The following NRG1 variants were observed in gnomAD, a reference collection of about 807,000 sequenced individuals.
NRG1 encodes the protein neuregulin 1, also known as pro-neuregulin-1, membrane-bound isoform.
A neutral mutation model predicts 63.8 loss-of-function variants in NRG1; 18 were observed. The ratio of observed to expected loss-of-function variants is 0.28; its 90% CI spans 0.19 to 0.42. The LOEUF (loss-of-function observed/expected upper bound fraction) is 0.42. Ranked by LOEUF, NRG1 falls within the 10% of genes least tolerant of loss-of-function variation. NRG1 has a pLI of 1.00. For missense variants in NRG1, 762 were observed against 814.7 expected, an observed-to-expected ratio of 0.94 and a Z score of 0.79; for synonymous variants, 302 against 301.3, an observed-to-expected ratio of 1.00 and a Z score of -0.02.
At position 32,007,009 on chromosome 8, in the gene NRG1, T is replaced by G. The variant is rs146878103; in HGVS notation, c.37+367578T>G. Reference sequence around the variant, plus strand: ...TTTGAGATGTCAAAGAGGATCCCATTCTGGTGTTTGATATTTCAGAGTGCC... The same window carrying G: ...TTTGAGATGTCAAAGAGGATCCCATGCTGGTGTTTGATATTTCAGAGTGCC... On this transcript the variant is annotated intron_variant, in intron 1 of 10. Coordinates refer to the NRG1 transcript ENST00000519301. Among the ~76,000 whole-genome samples the G allele has an allele frequency of 1.2e-3, 184 of 152,156 alleles. 1 individual carries two copies. Among genetic ancestry groups the G allele is most frequent in the Non-Finnish European group, 1.9e-3 (129 of 67,952 alleles).
chr8:31,856,094 G>C (rs1293326356), intron 1 of NRG1, among the ~76,000 whole-genome samples: 1 of 151,532 alleles, frequency 6.6e-6, no homozygotes, highest in African/African-American at 2.4e-5. Flanking sequence ...ATGTGTCTTG[G>C]AGTTGCTCTT....
intron 1 of NRG1, among the ~76,000 whole-genome samples, chr8:31,863,014 C>T (rs1053385628): frequency 6.6e-6 from 1 of 152,150 alleles, no homozygotes; most frequent in Non-Finnish European, 1.5e-5. Context: ...TTAGCTCCAG[C>T]CATATGGGTG....
chr8:32,100,233 C>G (rs1830398636), intron 1 of NRG1, among the ~76,000 whole-genome samples: 1 of 152,024 alleles, frequency 6.6e-6, no homozygotes, highest in African/African-American at 2.4e-5. Context: ...GATGATAGAA[C>G]CCAAAGTGTA....
intron 1 of NRG1, among the ~76,000 whole-genome samples, chr8:31,922,814 G>T (rs948992523): frequency 6.6e-6 from 1 of 152,182 alleles, no homozygotes; most frequent in Non-Finnish European, 1.5e-5. Context: ...GGTGTTGGAA[G>T]ATGTGAAGGT....
intron 1 of NRG1, among the ~76,000 whole-genome samples, chr8:31,991,304 T>C (rs1187832076): frequency 6.6e-6 from 1 of 151,494 alleles, no homozygotes; most frequent in Non-Finnish European, 1.5e-5. Context: ...TTCTTCTTCT[T>C]CCTCCTCTTC....
intron 1 of NRG1, among the ~76,000 whole-genome samples, chr8:32,257,257 G>A (rs1849833264): frequency 6.6e-6 from 1 of 152,030 alleles, no homozygotes; most frequent in South Asian, 2.1e-4. Context: ...AGATCACTTG[G>A]CTCCCTGACT....
chr8:31,931,784 G>A (rs1355039598), intron 1 of NRG1, among the ~76,000 whole-genome samples: 1 of 152,170 alleles, frequency 6.6e-6, no homozygotes. Flanking sequence ...CTGTTCTGAT[G>A]GTGGGGTCCA....
intron 1 of NRG1, among the ~76,000 whole-genome samples, chr8:32,037,650 C>T (rs1819286110): frequency 6.6e-6 from 1 of 152,148 alleles, no homozygotes; most frequent in African/African-American, 2.4e-5. Context: ...CAGGGAGGCC[C>T]CACGCAGGTA....
intron 1 of NRG1, among the ~76,000 whole-genome samples, chr8:31,992,574 C>A (rs1811277748): frequency 6.6e-6 from 1 of 151,980 alleles, no homozygotes; most frequent in South Asian, 2.1e-4. Context: ...ATTTTTGATA[C>A]CTGACTCCTA....
At chr8:32,359,383 A>G (rs2129481007) in intron 1 of NRG1, among the ~76,000 whole-genome samples, 1 of 152,246 alleles carries the variant, frequency 6.6e-6, no homozygotes, top group East Asian at 1.9e-4. Flanking sequence ...ATTTTTAAGA[A>G]TTTTTATATC....
chr8:31,683,565 A>C (rs1316890086), intron 1 of NRG1, among the ~76,000 whole-genome samples: 3 of 152,196 alleles, frequency 2.0e-5, no homozygotes, highest in African/African-American at 7.2e-5. Flanking sequence ...TAGGCAGAGC[A>C]TGTAGGATCT....
intron 1 of NRG1, among the ~76,000 whole-genome samples, chr8:31,723,617 C>T (rs978807140): frequency 2.6e-5 from 4 of 152,056 alleles, no homozygotes; most frequent in African/African-American, 9.7e-5. Context: ...GCTGTGGTGC[C>T]TGGCAGAGCC....
intron 1 of NRG1, among the ~76,000 whole-genome samples, chr8:32,319,120 G>A (rs1003210250): frequency 1.3e-5 from 2 of 152,168 alleles, no homozygotes; most frequent in African/African-American, 4.8e-5. Flanking sequence ...AACACCTTCA[G>A]ATTATCCAGC....
Position 32,129,180 on chromosome 8 carries a change from A to G in NRG1, c.38-466648A>G, listed in dbSNP as rs530612238. Among the ~76,000 whole-genome samples the G allele has an allele frequency of 5.3e-5, 8 of 152,146 alleles. No homozygotes were observed. In the South Asian group the frequency reaches 1.7e-3, roughly 32 times the overall value. On this transcript the variant is annotated intron_variant, in intron 1 of 10. Coordinates refer to the NRG1 transcript ENST00000519301. ...AATCTCAGGTTCATAAAAAGAGCTC[A>G]AGAAATATTTGTTGAATGACCAATT...
chr8:32,199,167 C>T (rs1017625403), intron 1 of NRG1, among the ~76,000 whole-genome samples: 1 of 152,062 alleles, frequency 6.6e-6, no homozygotes, highest in Non-Finnish European at 1.5e-5. Flanking sequence ...ATATGCCTAT[C>T]CATGGAGTTA....
At chr8:32,380,676 T>C (rs1380112125) in intron 1 of NRG1, among the ~76,000 whole-genome samples, 1 of 152,198 alleles carries the variant, frequency 6.6e-6, no homozygotes, top group Non-Finnish European at 1.5e-5. Context: ...TTATTCCTTT[T>C]TACTTCCTCA....
chr8:31,831,375 T>G (rs1324292294), intron 1 of NRG1, among the ~76,000 whole-genome samples: 2 of 152,246 alleles, frequency 1.3e-5, no homozygotes, highest in East Asian at 3.9e-4. Flanking sequence ...AGTGCTGGGA[T>G]TACAAATATG....
At chr8:31,865,817 G>A (rs1042193783) in intron 1 of NRG1, among the ~76,000 whole-genome samples, 1 of 152,136 alleles carries the variant, frequency 6.6e-6, no homozygotes, top group Non-Finnish European at 1.5e-5. Flanking sequence ...TACACCATCT[G>A]TAAGAAACTT....
At chr8:31,894,008 A>G (rs1013661565) in intron 1 of NRG1, among the ~76,000 whole-genome samples, 4 of 152,088 alleles carry the variant, frequency 2.6e-5, no homozygotes, top group Admixed American at 6.5e-5. Context: ...TCAAAAATAC[A>G]TTTCCAAAAA....
Sources: gnomAD v4.1 joint callset for allele counts (sites outside exome capture counted in the v4.1 genomes callset) on GRCh38, gnomAD v4.1.1 for gene constraint, MANE v1.5 for transcripts, NCBI Gene and HGNC (gene_info 2026-07-23, HGNC 2026-07-21) for gene names.